SLC7A1: variants seen among roughly 807,000 people sequenced by gnomAD.
SLC7A1 encodes the protein solute carrier family 7 member 1, also known as high affinity cationic amino acid transporter 1.
In SLC7A1, 10 loss-of-function variants were observed where a neutral mutation model predicts 53.9. The observed-to-expected ratio is 0.19, with a 90% confidence interval of 0.11 to 0.31. The LOEUF is 0.31. SLC7A1 is among the 10% of genes least tolerant of loss of function. SLC7A1 has a pLI of 1.00. For synonymous variants in SLC7A1, 342 were observed against 338.7 expected (o/e 1.01, Z -0.11); for missense variants, 525 against 827.2 (o/e 0.63, Z 4.48).
chr13:29,569,936 C>T (rs1871126363), intron 1 of SLC7A1, among the ~76,000 whole-genome samples: 1 of 152,192 alleles, frequency 6.6e-6, no homozygotes, highest in African/African-American at 2.4e-5. Context: ...ACAAAGCACA[C>T]GGCTGCTGGC....
chr13:29,588,166 AGGACATTATGT>A (rs1275066244), intron 1 of SLC7A1, among the ~76,000 whole-genome samples: 15 of 152,230 alleles, frequency 9.9e-5, no homozygotes, highest in Non-Finnish European at 8.8e-5. Flanking sequence ...TTAGCTATAA[AGGACATTATGT>A]GGACGACTGC....
At chr13:29,533,247 C>A (rs974972896) in intron 3 of SLC7A1, among the ~76,000 whole-genome samples, 11 of 150,536 alleles carry the variant, frequency 7.3e-5, no homozygotes, top group African/African-American at 2.4e-4. Context: ...TATATATATC[C>A]GAATAAAAAG....
intron 5 of SLC7A1, 128 bp downstream of exon 5, chr13:29,530,405 CACAAA>C: frequency 1.1e-6 from 1 of 878,146 alleles, no homozygotes; most frequent in Non-Finnish European, 1.8e-6. Flanking sequence ...ACTGCAAAAA[CACAAA>C]ACAATTAACA....
intron 1 of SLC7A1, among the ~76,000 whole-genome samples, chr13:29,580,716 C>T (rs1383595672): frequency 3.3e-5 from 5 of 152,214 alleles, no homozygotes; most frequent in African/African-American, 1.2e-4. Flanking sequence ...TTAATCTTAA[C>T]GCCTGCTGAG....
chr13:29,562,520 T>A (rs1870804969), intron 1 of SLC7A1, among the ~76,000 whole-genome samples: 1 of 152,188 alleles, frequency 6.6e-6, no homozygotes. Flanking sequence ...ATGCAAATAG[T>A]TCAATCTGAA....
chr13:29,551,429 A>G (rs907633047), intron 2 of SLC7A1, among the ~76,000 whole-genome samples: 1 of 152,204 alleles, frequency 6.6e-6, no homozygotes, highest in Admixed American at 6.5e-5. Flanking sequence ...ACAGGAAAAG[A>G]TGACATCATG....
chr13:29,530,493 T>C (rs1385647451), intron 5 of SLC7A1, 45 bp downstream of exon 5: 3 of 1,563,156 alleles, frequency 1.9e-6, no homozygotes, highest in Non-Finnish European at 2.6e-6. Flanking sequence ...ACAATCTATG[T>C]CATTAAATGT....
chr13:29,554,997 A>G (rs896444805), intron 1 of SLC7A1, among the ~76,000 whole-genome samples: 2 of 152,160 alleles, frequency 1.3e-5, no homozygotes, highest in Non-Finnish European at 2.9e-5. Flanking sequence ...CCTCATGACC[A>G]TCGTGATAAG....
chr13:29,556,385 C>CT (rs1427696641), intron 1 of SLC7A1, among the ~76,000 whole-genome samples: 8 of 150,676 alleles, frequency 5.3e-5, no homozygotes, highest in South Asian at 2.1e-4. Context: ...TTTTAATTTT[C>CT]TTTTTTTTTA....
At chr13:29,585,018 A>ACC (rs1755336800) in intron 1 of SLC7A1, among the ~76,000 whole-genome samples, 1 of 152,244 alleles carries the variant, frequency 6.6e-6, no homozygotes, top group Non-Finnish European at 1.5e-5. Context: ...AAAAACTCAC[A>ACC]TACAGCCTGA....
chr13:29,570,987 G>A (rs1230995082), intron 1 of SLC7A1, among the ~76,000 whole-genome samples: 3 of 152,180 alleles, frequency 2.0e-5, no homozygotes, highest in East Asian at 1.9e-4. Flanking sequence ...CATAGTATGC[G>A]CTATATGTTA....
In SLC7A1 at chr13:29,595,506, C is replaced by CGGGCGGGGCGGGGCGGGGCGGGGCG. The variant is rs76676938; in HGVS notation, c.-206_-205insCGCCCCGCCCCGCCCCGCCCCGCCC. Reference sequence around the variant, plus strand: ...CCAACGGACGCTCGGCCGGCGAGACCGGGCGGGGCGGGGCGGGGCGGGGGC... The same window carrying CGGGCGGGGCGGGGCGGGGCGGGGCG: ...CCAACGGACGCTCGGCCGGCGAGACCGGGCGGGGCGGGGCGGGGCGGGGCGGGGCGGGGCGGGGCGGGGCGGGGGC... On this transcript the variant is annotated 5_prime_UTR_variant, in exon 1 of 13. It introduces an in-frame stop codon into an upstream open reading frame of the 5' UTR. Transcript: ENST00000380752. 6.7e-6 allele frequency: 1 copy of CGGGCGGGGCGGGGCGGGGCGGGGCG among 149,474 alleles called. No individual in the cohort carries two copies. The highest frequency in any genetic ancestry group is 1.5e-5 in the Non-Finnish European group (1 of 66,980). The allele number at this position is 149,474 out of a possible 1,614,324, so 9.3% of individuals were successfully genotyped here.
chr13:29,576,842 G>A (rs1871434435), intron 1 of SLC7A1, among the ~76,000 whole-genome samples: 1 of 152,190 alleles, frequency 6.6e-6, no homozygotes, highest in African/African-American at 2.4e-5. Flanking sequence ...TGGCAAGTGG[G>A]CAGAGGAAGG....
chr13:29,583,365 GC>G (rs1566277841), intron 1 of SLC7A1, among the ~76,000 whole-genome samples: 1 of 152,186 alleles, frequency 6.6e-6, no homozygotes, highest in African/African-American at 2.4e-5. Context: ...CTCTGTCCCT[GC>G]TCCCAAGTAC....
intron 4 of SLC7A1, among the ~76,000 whole-genome samples, chr13:29,531,245 A>C (rs555014522): frequency 5.9e-5 from 9 of 152,316 alleles, no homozygotes; most frequent in Middle Eastern, 3.4e-3. Context: ...ACTAACACAC[A>C]TGGTTCTTCG....
At chr13:29,555,250 T>C (rs1189219617) in intron 1 of SLC7A1, among the ~76,000 whole-genome samples, 34 of 138,612 alleles carry the variant, frequency 2.5e-4, no homozygotes. Flanking sequence ...CCCAGCTACT[T>C]GGGAGGCTGA....
At chr13:29,584,435 C>A (rs1233028638) in intron 1 of SLC7A1, among the ~76,000 whole-genome samples, 2 of 152,280 alleles carry the variant, frequency 1.3e-5, no homozygotes, top group East Asian at 3.9e-4. Context: ...GTATGAGCCA[C>A]CACACCTGGC....
chr13:29,541,233 G>T (rs1566261865), intron 2 of SLC7A1, among the ~76,000 whole-genome samples: 1 of 152,200 alleles, frequency 6.6e-6, no homozygotes, highest in Non-Finnish European at 1.5e-5. Flanking sequence ...GATGGGACTA[G>T]CGGACACTAA....
intron 2 of SLC7A1, among the ~76,000 whole-genome samples, chr13:29,544,280 G>A (rs912434527): frequency 1.3e-5 from 2 of 152,154 alleles, no homozygotes; most frequent in African/African-American, 4.8e-5. Flanking sequence ...GTACGTATGT[G>A]GGTGTAAAAT....
Sources: allele counts gnomAD v4.1 joint callset (sites outside exome capture counted in the v4.1 genomes callset), GRCh38; gene constraint gnomAD v4.1.1; transcripts MANE v1.5; gene names NCBI Gene and HGNC (gene_info 2026-07-23, HGNC 2026-07-21).